WWOX: variants seen among roughly 807,000 people sequenced by gnomAD.
WWOX encodes the protein WW domain-containing oxidoreductase.
Under a neutral mutation model 46.2 loss-of-function variants are expected in WWOX, and 69 were observed. That is an observed-to-expected ratio of 1.49 (90% confidence interval 1.23 to 1.82). The LOEUF (loss-of-function observed/expected upper bound fraction) is 1.82. Ranked by LOEUF, WWOX falls within the 40% of genes most tolerant of loss-of-function variation. The pLI, the probability that WWOX is intolerant of heterozygous loss-of-function variation, is 0.00. For synonymous variants in WWOX, 359 were observed against 202.6 expected, an observed-to-expected ratio of 1.77 and a Z score of -6.56; for missense variants, 919 against 542.6, an observed-to-expected ratio of 1.69 and a Z score of -6.89.
intron 8 of WWOX, among the ~76,000 whole-genome samples, chr16:78,780,250 G>T (rs897863834): frequency 6.6e-6 from 1 of 152,122 alleles, no homozygotes; most frequent in South Asian, 2.1e-4. Flanking sequence ...GAAGCTGGGG[G>T]TCAGGAGAGG....
At chr16:79,187,509 T>G (rs1334649170) in intron 8 of WWOX, among the ~76,000 whole-genome samples, 1 of 152,182 alleles carries the variant, frequency 6.6e-6, no homozygotes, top group Non-Finnish European at 1.5e-5. Flanking sequence ...CAAGCGATTC[T>G]CCTGCCTCAG....
intron 8 of WWOX, among the ~76,000 whole-genome samples, chr16:79,063,328 GA>G (rs1411155738): frequency 2.0e-5 from 3 of 152,200 alleles, no homozygotes; most frequent in Non-Finnish European, 2.9e-5. Context: ...TTTTTGTTCC[GA>G]AATCGGAATA....
chr16:79,111,241 A>G (rs2049410479), intron 8 of WWOX, among the ~76,000 whole-genome samples: 1 of 152,198 alleles, frequency 6.6e-6, no homozygotes, highest in African/African-American at 2.4e-5. Flanking sequence ...TAAGCAGTTC[A>G]GGCACTGAGA....
At chr16:78,390,659 A>G (rs915322178) in intron 6 of WWOX, among the ~76,000 whole-genome samples, 9 of 152,316 alleles carry the variant, frequency 5.9e-5, no homozygotes, top group South Asian at 2.1e-4. Flanking sequence ...ACAGTTTAGT[A>G]CTTGCAGGTC....
rs537803538 is a variant in WWOX, at chr16:78,777,105, T to G, written c.1056+344353T>G. ...GAATGAAGTTTAGGTCAGAAAAGTT[T>G]CAGTGATTATTTTTTCAGAATCATT... On this transcript the variant is annotated intron_variant, in intron 8 of 8. Coordinates refer to ENST00000566780, the MANE Select transcript of WWOX (RefSeq NM_016373.4). 4.6e-5 allele frequency among the ~76,000 whole-genome samples: 7 copies of G among 152,336 alleles called. No homozygotes were observed. In the South Asian group the frequency reaches 1.5e-3, roughly 32 times the overall value.
chr16:79,207,610 CTA>C (rs2051561046), intron 8 of WWOX, among the ~76,000 whole-genome samples: 2 of 152,194 alleles, frequency 1.3e-5, no homozygotes, highest in Admixed American at 6.5e-5. Flanking sequence ...GATATTGTGT[CTA>C]TTTTTTATAT....
intron 8 of WWOX, among the ~76,000 whole-genome samples, chr16:79,074,930 C>T (rs1350565518): frequency 6.6e-6 from 1 of 151,706 alleles, no homozygotes; most frequent in Non-Finnish European, 1.5e-5. Context: ...GTATATACAA[C>T]AGATGTGAGG....
At chr16:79,205,000 G>A (rs1184382341) in intron 8 of WWOX, 1 of 152,140 alleles carries the variant, frequency 6.6e-6, no homozygotes, top group African/African-American at 2.4e-5. Context: ...GAATGGCATG[G>A]CCTTTGTATG....
chr16:78,975,290 A>T (rs1026323897), intron 8 of WWOX, among the ~76,000 whole-genome samples: 5 of 152,156 alleles, frequency 3.3e-5, no homozygotes, highest in African/African-American at 1.2e-4. Flanking sequence ...TTTGATTGTC[A>T]TAACTTAGGA....
At chr16:78,849,236 C>T (rs370595897) in intron 8 of WWOX, among the ~76,000 whole-genome samples, 1 of 152,174 alleles carries the variant, frequency 6.6e-6, no homozygotes, top group East Asian at 1.9e-4. Context: ...GCTACAGAGT[C>T]ACTCATTCCT....
At chr16:78,719,220 T>C (rs2048637942) in intron 8 of WWOX, among the ~76,000 whole-genome samples, 1 of 152,166 alleles carries the variant, frequency 6.6e-6, no homozygotes, top group African/African-American at 2.4e-5. Context: ...GTGCAGGTAA[T>C]GTGTTTAGCA....
chr16:78,783,470 T>G (rs1012642289), intron 8 of WWOX, among the ~76,000 whole-genome samples: 5 of 152,168 alleles, frequency 3.3e-5, no homozygotes, highest in African/African-American at 1.2e-4. Flanking sequence ...AAGCTCTTTC[T>G]GCAAAGGGAA....
At chr16:78,569,417 C>G (rs776872662) in intron 8 of WWOX, among the ~76,000 whole-genome samples, 1 of 152,064 alleles carries the variant, frequency 6.6e-6, no homozygotes, top group Non-Finnish European at 1.5e-5. Context: ...TTCAGTTGGT[C>G]AAGTCATTTA....
At chr16:79,069,771 G>T (rs917651129) in intron 8 of WWOX, among the ~76,000 whole-genome samples, 1 of 152,158 alleles carries the variant, frequency 6.6e-6, no homozygotes, top group Non-Finnish European at 1.5e-5. Context: ...AAGAGAAGCC[G>T]GGAAGGAGGA....
intron 5 of WWOX, among the ~76,000 whole-genome samples, chr16:78,365,963 G>T (rs940752169): frequency 3.9e-5 from 6 of 152,156 alleles, no homozygotes; most frequent in African/African-American, 1.4e-4. Context: ...ATGCCCATGT[G>T]CCAGGTGGCC....
At chr16:78,187,942 T>A (rs1270876095) in intron 5 of WWOX, among the ~76,000 whole-genome samples, 4 of 152,178 alleles carry the variant, frequency 2.6e-5, no homozygotes, top group Non-Finnish European at 4.4e-5. Context: ...TAGTAAGGTT[T>A]CCATTTCCAT....
intron 8 of WWOX, among the ~76,000 whole-genome samples, chr16:78,804,309 G>A (rs1199705958): frequency 6.6e-6 from 1 of 151,976 alleles, no homozygotes; most frequent in Non-Finnish European, 1.5e-5. Flanking sequence ...ATTGAGATGG[G>A]CCATTGAAAA....
chr16:79,208,940 T>C (rs1014867744), intron 8 of WWOX, among the ~76,000 whole-genome samples: 1 of 152,202 alleles, frequency 6.6e-6, no homozygotes, highest in South Asian at 2.1e-4. Context: ...TGAGTACCCA[T>C]GAGCACCAAG....
chr16:78,866,375 C>G (rs968805534), intron 8 of WWOX, among the ~76,000 whole-genome samples: 46 of 152,036 alleles, frequency 3.0e-4, no homozygotes, highest in African/African-American at 9.2e-4. Context: ...TTGTGACTCC[C>G]TCATTAAAGG....
Sources: gnomAD v4.1 joint callset for allele counts (sites outside exome capture counted in the v4.1 genomes callset) on GRCh38, gnomAD v4.1.1 for gene constraint, MANE v1.5 for transcripts, NCBI Gene and HGNC (gene_info 2026-07-23, HGNC 2026-07-21) for gene names.